ITIH4: variants seen among roughly 807,000 people sequenced by gnomAD.
ITIH4 encodes the protein inter-alpha-trypsin inhibitor heavy chain H4.
Under a neutral mutation model 111.8 loss-of-function variants are expected in ITIH4, and 79 were observed. The observed-to-expected ratio is 0.71, with a 90% CI of 0.59 to 0.85. The LOEUF is 0.85. ITIH4 is among the 40% of genes least tolerant of loss of function. The pLI, the probability that ITIH4 is intolerant of heterozygous loss-of-function variation, is 0.00. For synonymous variants in ITIH4, 472 were observed against 468.3 expected, an observed-to-expected ratio of 1.01 and a Z score of -0.10; for missense variants, 1,065 against 1,195.8, an observed-to-expected ratio of 0.89 and a Z score of 1.61.
In ITIH4 at chr3:52,821,118, T is replaced by C; in HGVS notation, c.1552A>G (p.Ile518Val). ...ACACTGGACTCCGTTTGGAAAGTGA[T>C]GTTCTGTGTAGGCTGGAAAGAGGGG... is the stretch of plus-strand genomic sequence containing the variant. The part of the protein sequence containing the change: ...TVSGKLPTQN[I>V]TFQTESSVAE... The change falls in exon 12 of 24, where the codon ATC becomes GTC. Residue 518 changes from isoleucine to valine, a missense_variant. Physicochemically the swap from Ile to Val is conservative, Grantham distance 29. Transcript: ENST00000266041. The C allele has an allele frequency of 6.2e-7, 1 of 1,613,464 alleles. No individual in the cohort carries two copies. Among genetic ancestry groups the C allele is most frequent in the Non-Finnish European group, 8.5e-7 (1 of 1,180,014 alleles).
At position 52,821,048 on chromosome 3, in the gene ITIH4, T is replaced by C. The variant is rs2154111382; in HGVS notation, c.1622A>G (p.His541Arg). Residue 541 changes from histidine (H) to arginine (R), a missense_variant, in exon 12 of 24, where the codon CAC (histidine) becomes CGC (arginine). By Grantham distance (29) the His-to-Arg change is conservative (BLOSUM62 0). Coordinates refer to ENST00000266041, the MANE Select transcript of ITIH4 (RefSeq NM_002218.5). ...AEFQSPKYIF[H>R]NFMERLWAYL... Reference sequence around the variant, plus strand: ...TGCCCAGAGCCTCTCCATGAAGTTGTGGAAGATATACTTGGGGCTCTGGAA... The same window carrying C: ...TGCCCAGAGCCTCTCCATGAAGTTGCGGAAGATATACTTGGGGCTCTGGAA... 6.2e-7 allele frequency: 1 copy of C among 1,614,122 alleles called. No individual in the cohort carries two copies. Among genetic ancestry groups the C allele is most frequent in the South Asian group, 1.1e-5 (1 of 91,076 alleles).
At position 52,824,596 on chromosome 3, in the gene ITIH4, A is replaced by C; in HGVS notation, c.877-31T>G. On this transcript the variant is annotated intron_variant, in intron 7 of 23. Coordinates refer to ENST00000266041, the MANE Select transcript of ITIH4 (RefSeq NM_002218.5). The surrounding 1 kb of genome is among the most constrained non-coding windows in gnomAD (Gnocchi z 4.3). Reference sequence around the variant, plus strand: ...CAGGGAGAGGAAACATAGGTGCTTCAGAAGGGCTCCCTGAGGGCTCGTGTG... The same window carrying C: ...CAGGGAGAGGAAACATAGGTGCTTCCGAAGGGCTCCCTGAGGGCTCGTGTG... The C allele has an allele frequency of 6.3e-7, 1 of 1,592,466 alleles. No individual in the cohort carries two copies. The highest frequency in any genetic ancestry group is 8.5e-7 in the Non-Finnish European group (1 of 1,170,142).
chr3:52,814,092 C>G, intron 22 of ITIH4, 21 bp from the exon 23 acceptor site: 1 of 1,611,666 alleles, frequency 6.2e-7, no homozygotes, highest in Non-Finnish European at 8.5e-7. Flanking sequence ...AAGGGTGGAT[C>G]AGTAAGGGTC....
intron 2 of ITIH4, among the ~76,000 whole-genome samples, chr3:52,828,737 A>G (rs2245647): frequency 0.48 from 72,891 of 152,032 alleles, 18,679 homozygotes; most frequent in African/African-American, 0.66. Flanking sequence ...CTCCACTGTG[A>G]GGAAGCCAAG....
At position 52,824,039 on chromosome 3, in the gene ITIH4, T is replaced by C. The variant is rs746960820; in HGVS notation, c.1172-35A>G. ...GGGGTTTGGGATGAGGGTGAGAAAATAGTGATTTGCTTGAAGAATATTTCT... is the reference window on the plus strand; with the variant it reads ...GGGGTTTGGGATGAGGGTGAGAAAACAGTGATTTGCTTGAAGAATATTTCT... On this transcript the variant is annotated intron_variant, in intron 9 of 23. Transcript: ENST00000266041. This position sits in a 1 kb window ranked among gnomAD's most constrained non-coding sequence, Gnocchi z 4.3. The C allele has an allele frequency of 1.7e-5, 26 of 1,542,836 alleles. No homozygotes were observed. Among genetic ancestry groups the C allele is most frequent in the Non-Finnish European group, 2.0e-5 (23 of 1,144,070 alleles).
chr3:52,818,086 C>T lies in ITIH4; in HGVS notation c.2262G>A (p.Gln754=), dbSNP rs1483372575. The part of the protein sequence containing the change: ...ERLCVDPRHR[Q]GPVNLLSDPE... ...GGTCTGAGAGCAGGTTCACTGGCCCCTGGCGGTGTCTGGGGTCCACACAGA... is the reference window on the plus strand; with the variant it reads ...GGTCTGAGAGCAGGTTCACTGGCCCTTGGCGGTGTCTGGGGTCCACACAGA... Residue 754 remains glutamine (Q), a synonymous_variant, in exon 20 of 24, where the codon CAG becomes CAA. Coordinates refer to ENST00000266041, the MANE Select transcript of ITIH4 (RefSeq NM_002218.5). 1.2e-6 allele frequency: 2 copies of T among 1,613,778 alleles called. No homozygotes were observed. Among genetic ancestry groups the T allele is most frequent in the Non-Finnish European group, 1.7e-6 (2 of 1,180,008 alleles).
chr3:52,824,185 C>G lies in ITIH4; in HGVS notation c.1171+5G>C. On this transcript the variant is annotated splice_donor_5th_base_variant and intron_variant, in intron 9 of 23. Transcript: ENST00000266041. This position sits in a 1 kb window ranked among gnomAD's most constrained non-coding sequence, Gnocchi z 4.3. Reference sequence around the variant, plus strand: ...ACGTCCTGGAGTCACGGGCAGGGCCCTCACCCACAGTGGGGTCGCCATCGG... The same window carrying G: ...ACGTCCTGGAGTCACGGGCAGGGCCGTCACCCACAGTGGGGTCGCCATCGG... 4.3e-6 allele frequency: 7 copies of G among 1,613,034 alleles called. No individual in the cohort carries two copies. Among genetic ancestry groups the G allele is most frequent in the Non-Finnish European group, 5.9e-6 (7 of 1,179,822 alleles).
intron 6 of ITIH4, 105 bp from the exon 7 acceptor site, chr3:52,825,063 C>A: frequency 1.4e-6 from 1 of 714,822 alleles, no homozygotes. Context: ...CTGTTCCAAT[C>A]CCATTTCCAT....
chr3:52,819,572 C>T, intron 16 of ITIH4, 54 bp from the exon 17 acceptor site: 1 of 1,611,162 alleles, frequency 6.2e-7, no homozygotes, highest in Non-Finnish European at 8.5e-7. Context: ...TGGGTCTTCA[C>T]AGCCAGGGCT....
intron 21 of ITIH4, among the ~76,000 whole-genome samples, chr3:52,816,119 G>A (rs1232633702): frequency 1.3e-5 from 2 of 152,206 alleles, no homozygotes; most frequent in East Asian, 3.8e-4. Flanking sequence ...CTCCATACTT[G>A]GAAAAGGGTG....
At chr3:52,828,159 A>G (rs1285766298) in intron 2 of ITIH4, among the ~76,000 whole-genome samples, 1 of 152,054 alleles carries the variant, frequency 6.6e-6, no homozygotes, top group Admixed American at 6.5e-5. Flanking sequence ...TGCTCCCCTA[A>G]CTCATGCAGC....
In ITIH4 at chr3:52,814,229, C is replaced by T; in HGVS notation, c.2606G>A (p.Ser869Asn). The change falls in exon 22 of 24, where the codon AGC becomes AAC. Residue 869 changes from serine (S) to asparagine (N), a missense_variant. Physicochemically the swap from Ser to Asn is conservative, Grantham distance 46. Transcript: ENST00000266041. The part of the protein sequence containing the change: ...LLLRDTDRFS[S>N]HVGGTLGQFY... Reference sequence around the variant, plus strand: ...AGTACCAAGGGTCCCTCCAACGTGGCTGGAGAAGCGGTCAGTGTCACGCAG... The same window carrying T: ...AGTACCAAGGGTCCCTCCAACGTGGTTGGAGAAGCGGTCAGTGTCACGCAG... 1 of 1,613,522 alleles carries T rather than the reference C, an allele frequency of 6.2e-7. No individual in the cohort carries two copies. Among genetic ancestry groups the T allele is most frequent in the Non-Finnish European group, 8.5e-7 (1 of 1,179,922 alleles).
chr3:52,826,978 G>C, intron 3 of ITIH4, 25 bp from the exon 4 acceptor site: 4 of 1,613,908 alleles, frequency 2.5e-6, no homozygotes, highest in Non-Finnish European at 3.4e-6. Flanking sequence ...CATCAGGCCT[G>C]CTCCTCCAGG....
At chr3:52,813,534 T>G (rs1165277110) in intron 23 of ITIH4, 44 bp from the exon 24 acceptor site, 1 of 1,557,916 alleles carries the variant, frequency 6.4e-7, no homozygotes, top group African/African-American at 1.4e-5. Flanking sequence ...TCAGCAAATC[T>G]CAGGTGTGGT....
chr3:52,817,284 C>T (rs535652437), intron 20 of ITIH4, among the ~76,000 whole-genome samples: 12 of 152,336 alleles, frequency 7.9e-5, no homozygotes, highest in Non-Finnish European at 1.3e-4. Flanking sequence ...CCTAAATCCT[C>T]GGCGACGGCC....
chr3:52,824,265 T>C lies in ITIH4; in HGVS notation c.1096A>G (p.Ser366Gly), dbSNP rs112986004. ...TCGGGCAGCCGCTCCTCCTGGTTGC[T>C]GCTGTCCAGCAACTGCACAGCCATC... ...MLMAVQLLDS[S>G]NQEERLPEGS... Residue 366 changes from serine (S) to glycine (G), a missense_variant, in exon 9 of 24, where the codon AGC becomes GGC. By Grantham distance (56) the Ser-to-Gly change is moderately conservative. Coordinates refer to ENST00000266041, the MANE Select transcript of ITIH4 (RefSeq NM_002218.5). This position sits in a 1 kb window ranked among gnomAD's most constrained non-coding sequence, Gnocchi z 4.3. 1.5e-5 allele frequency: 25 copies of C among 1,613,652 alleles called. 2 individuals are homozygous for C. The highest frequency in any genetic ancestry group is 9.3e-5 in the African/African-American group (7 of 75,052).
chr3:52,820,373 C>A, intron 13 of ITIH4, 56 bp from the exon 14 acceptor site: 3 of 1,575,098 alleles, frequency 1.9e-6, no homozygotes, highest in Non-Finnish European at 2.6e-6. Flanking sequence ...AGACAGACAC[C>A]GTCAGGGTGG....
At chr3:52,820,184 C>A (rs1700353939) in intron 14 of ITIH4, 107 bp downstream of exon 14, 6 of 1,478,912 alleles carry the variant, frequency 4.1e-6, no homozygotes, top group Admixed American at 1.7e-5. Context: ...GCTGGAGAGG[C>A]CTGGGTGGAC....
chr3:52,825,819 C>T, intron 6 of ITIH4, 67 bp downstream of exon 6: 2 of 1,534,036 alleles, frequency 1.3e-6, no homozygotes, highest in Non-Finnish European at 1.8e-6. Context: ...TCTAAAATAC[C>T]CAAGCTCAGG....
Sources: gnomAD v4.1 joint callset for allele counts (sites outside exome capture counted in the v4.1 genomes callset) on GRCh38, gnomAD v4.1.1 for gene constraint, Gnocchi (gnomAD v3.1) non-coding constraint, MANE v1.5 for transcripts, NCBI Gene and HGNC (gene_info 2026-07-23, HGNC 2026-07-21) for gene names.